ANGPT2: variants seen among roughly 807,000 people sequenced by gnomAD.
The protein encoded by ANGPT2 is angiopoietin 2.
A neutral mutation model predicts 62.9 loss-of-function variants in ANGPT2; 28 were observed. That is an observed-to-expected ratio of 0.44 (90% CI 0.33 to 0.61). ANGPT2 has a LOEUF of 0.61. ANGPT2 is among the 20% of genes least tolerant of loss of function. ANGPT2 has a pLI of 0.03. For missense variants in ANGPT2, 727 were observed against 594.9 expected (o/e 1.22, Z -2.31); for synonymous variants, 284 against 207.8 (o/e 1.37, Z -3.15).
Position 6,502,727 on chromosome 8 carries a change from A to C in ANGPT2, c.*374T>G, listed in dbSNP as rs1812435040. 1 of 219,762 alleles carries C rather than the reference A, an allele frequency of 4.6e-6. No individual in the cohort carries two copies. Among genetic ancestry groups the C allele is most frequent in the Admixed American group, 5.3e-5 (1 of 18,840 alleles). 13.6% of individuals were successfully genotyped at this position (219,762 alleles called of 1,614,324 possible). ...ACAGTGCTCAGAAGAATGCAGTTCC[A>C]AGATGATCTGTATTGTATAACATAA... is the stretch of plus-strand genomic sequence containing the variant. On this transcript the variant is annotated 3_prime_UTR_variant, in exon 9 of 9. Transcript: ENST00000629816.
intron 7 of ANGPT2, among the ~76,000 whole-genome samples, chr8:6,510,362 G>T (rs1194607039): frequency 6.6e-6 from 1 of 152,158 alleles, no homozygotes; most frequent in Non-Finnish European, 1.5e-5. Flanking sequence ...TGCAATGGTG[G>T]CAGGAGAAGT....
intron 1 of ANGPT2, among the ~76,000 whole-genome samples, chr8:6,544,526 T>G (rs1822190813): frequency 6.6e-6 from 1 of 152,206 alleles, no homozygotes; most frequent in African/African-American, 2.4e-5. Context: ...TAGGGATGTT[T>G]CCAAGTCATT....
At chr8:6,554,763 G>A (rs1218746719) in intron 1 of ANGPT2, among the ~76,000 whole-genome samples, 1 of 152,166 alleles carries the variant, frequency 6.6e-6, no homozygotes, top group African/African-American at 2.4e-5. Context: ...GAGGGAGCGG[G>A]AGAGTCCACA....
chr8:6,513,755 G>T lies in ANGPT2; in HGVS notation c.1119C>A (p.His373Gln). The T allele has an allele frequency of 1.9e-6, 3 of 1,613,836 alleles. No homozygotes were observed. Among genetic ancestry groups the T allele is most frequent in the Non-Finnish European group, 2.5e-6 (3 of 1,179,910 alleles). ...CCTCATTCCCTTCCCAGTCTTTAAG[G>T]TGTATTTTAAGCACATAGCGTTGCT... ...TNQQRYVLKI[H>Q]LKDWEGNEAY... Residue 373 changes from histidine to glutamine, a missense_variant, in exon 7 of 9, where the codon CAC (histidine) becomes CAA (glutamine). Physicochemically the swap from His to Gln is conservative, Grantham distance 24. Transcript: ENST00000629816.
At chr8:6,538,263 C>A (rs1820868231) in intron 1 of ANGPT2, among the ~76,000 whole-genome samples, 1 of 152,098 alleles carries the variant, frequency 6.6e-6, no homozygotes, top group East Asian at 1.9e-4. Flanking sequence ...GATATTGCAA[C>A]CATCTGTCTT....
chr8:6,504,359 C>T (rs143579396), intron 8 of ANGPT2, among the ~76,000 whole-genome samples: 1 of 150,166 alleles, frequency 6.7e-6, no homozygotes, highest in African/African-American at 2.5e-5. Context: ...CCTTAAATTG[C>T]ATGCCGTTCT....
intron 2 of ANGPT2, among the ~76,000 whole-genome samples, chr8:6,529,636 T>C (rs1819070762): frequency 6.7e-6 from 1 of 149,822 alleles, no homozygotes; most frequent in Admixed American, 6.6e-5. Flanking sequence ...TTTTTTTTTT[T>C]TTTTTTTTGG....
chr8:6,539,818 A>G (rs1345568505), intron 1 of ANGPT2, among the ~76,000 whole-genome samples: 3 of 152,198 alleles, frequency 2.0e-5, no homozygotes, highest in African/African-American at 4.8e-5. Context: ...AACTCCTGAC[A>G]TCAGGCCATC....
chr8:6,522,506 G>GCT (rs1817552614), intron 3 of ANGPT2, among the ~76,000 whole-genome samples: 1 of 152,158 alleles, frequency 6.6e-6, no homozygotes, highest in Non-Finnish European at 1.5e-5. Flanking sequence ...AGGCTCAGTG[G>GCT]CTCACACCTA....
chr8:6,546,635 T>G (rs189076572), intron 1 of ANGPT2, among the ~76,000 whole-genome samples: 1 of 152,312 alleles, frequency 6.6e-6, no homozygotes, highest in East Asian at 1.9e-4. Flanking sequence ...GCTAACCGCT[T>G]AATACAAGCA....
chr8:6,537,427 G>C (rs1291341630), intron 1 of ANGPT2, among the ~76,000 whole-genome samples: 1 of 152,056 alleles, frequency 6.6e-6, no homozygotes, highest in African/African-American at 2.4e-5. Flanking sequence ...CCTTCTAGCT[G>C]CATGGTTTGC....
rs1812426452 is a variant in ANGPT2 at position 6,502,681 on chromosome 8, G to A, written c.*420C>T. The stretch of plus-strand genomic sequence containing the variant: ...TAGTGATGGTGAATTCAGGACATAT[G>A]GGTATTTACACAGTGTATAAACAGT... On this transcript the variant is annotated 3_prime_UTR_variant, in exon 9 of 9. Transcript: ENST00000629816. 1 of 155,808 alleles carries A rather than the reference G, an allele frequency of 6.4e-6. No individual in the cohort carries two copies. Among genetic ancestry groups the A allele is most frequent in the African/African-American group, 2.4e-5 (1 of 41,492 alleles). 9.7% of individuals were successfully genotyped at this position (155,808 alleles called of 1,614,324 possible). A position where few individuals can be genotyped will look rare whatever the true frequency, so the allele number is the denominator to read the frequency against.
intron 5 of ANGPT2, 49 bp from the exon 6 acceptor site, chr8:6,514,827 C>G (rs199778883): frequency 3.1e-5 from 47 of 1,513,172 alleles, no homozygotes; most frequent in Admixed American, 1.2e-4. Flanking sequence ...CCCACTCCCC[C>G]CTTACGTAGC....
chr8:6,524,838 T>G lies in ANGPT2; in HGVS notation c.566+2717A>C, dbSNP rs1161221898. ...GATCATGGTTTCACTGAAGAGAAAA[T>G]GGAGACCCTGAGAAGTCACCTTTGG... On this transcript the variant is annotated intron_variant, in intron 3 of 8. Coordinates refer to ENST00000629816, the MANE Select transcript of ANGPT2 (RefSeq NM_001118887.2). Among the ~76,000 whole-genome samples, 3 of 152,146 alleles carry G rather than the reference T, an allele frequency of 2.0e-5. No individual in the cohort carries two copies. The East Asian group carries it at 5.8e-4, about 29-fold the overall frequency.
chr8:6,562,768 G>T lies in ANGPT2; in HGVS notation c.167C>A (p.Ser56Tyr). The change falls in exon 1 of 9, where the codon TCC (serine) becomes TAC (tyrosine). Residue 56 changes from serine to tyrosine, a missense_variant. Physicochemically the swap from Ser to Tyr is moderately radical, Grantham distance 144 (BLOSUM62 -2). Transcript: ENST00000629816. Reference sequence around the variant, plus strand: ...AGCATTGGACACGTAGGGGCTGGAGGAAGAGCGGCAGTTGTCCATCTCTGG... The same window carrying T: ...AGCATTGGACACGTAGGGGCTGGAGTAAGAGCGGCAGTTGTCCATCTCTGG... ...LLPEMDNCRSSSSPYVSNAVQ... is the reference protein window; with the variant it reads ...LLPEMDNCRSYSSPYVSNAVQ... The T allele has an allele frequency of 1.2e-6, 2 of 1,613,930 alleles. No homozygotes were observed. The highest frequency in any genetic ancestry group is 8.5e-7 in the Non-Finnish European group (1 of 1,180,008).
chr8:6,550,338 GT>G (rs1337814023), intron 1 of ANGPT2, among the ~76,000 whole-genome samples: 1 of 152,214 alleles, frequency 6.6e-6, no homozygotes, highest in African/African-American at 2.4e-5. Flanking sequence ...GAGTGAGGCA[GT>G]GTGGCGTGGG....
chr8:6,520,075 A>T, intron 4 of ANGPT2, 84 bp from the exon 5 acceptor site: 7 of 1,521,672 alleles, frequency 4.6e-6, no homozygotes, highest in Non-Finnish European at 6.3e-6. Context: ...TCATTTGGTG[A>T]GTTTTATTAC....
intron 8 of ANGPT2, chr8:6,508,666 G>A: frequency 1.7e-6 from 1 of 590,044 alleles, no homozygotes; most frequent in Non-Finnish European, 3.0e-6. Context: ...AGCTTGCTAA[G>A]AATCAAATAT....
At chr8:6,541,246 C>A (rs1232623524) in intron 1 of ANGPT2, among the ~76,000 whole-genome samples, 1 of 152,134 alleles carries the variant, frequency 6.6e-6, no homozygotes, top group African/African-American at 2.4e-5. Context: ...CTTTGAGGCC[C>A]CTTTAATGAA....
Sources: allele counts gnomAD v4.1 joint callset (sites outside exome capture counted in the v4.1 genomes callset), GRCh38; gene constraint gnomAD v4.1.1; transcripts MANE v1.5; gene names NCBI Gene and HGNC (gene_info 2026-07-23, HGNC 2026-07-21).